The following TMEFF1 variants were observed in gnomAD, a reference collection of about 807,000 sequenced individuals.
TMEFF1 encodes the protein transmembrane protein with EGF like and two follistatin like domains 1, also known as tomoregulin-1.
In TMEFF1, 20 loss-of-function variants were observed where a neutral mutation model predicts 47.5. The ratio of observed to expected loss-of-function variants is 0.42; its 90% CI spans 0.30 to 0.61. The LOEUF (loss-of-function observed/expected upper bound fraction) is 0.61, where lower values mean the gene tolerates loss of function less well. TMEFF1 is among the 20% of genes least tolerant of loss of function. TMEFF1 has a pLI of 0.19. For missense variants in TMEFF1, 411 were observed against 471.1 expected (o/e 0.87, Z 1.18); for synonymous variants, 162 against 166.3 (o/e 0.97, Z 0.20).
intron 5 of TMEFF1, among the ~76,000 whole-genome samples, chr9:100,533,859 C>A (rs529178078): frequency 6.6e-6 from 1 of 152,268 alleles, no homozygotes; most frequent in Non-Finnish European, 1.5e-5. Context: ...GCTGGGATTA[C>A]AGGCGTGCAC....
chr9:100,527,781 G>T (rs565966695), intron 5 of TMEFF1, among the ~76,000 whole-genome samples: 27 of 152,320 alleles, frequency 1.8e-4, no homozygotes, highest in African/African-American at 5.8e-4. Context: ...CTCCACCTCT[G>T]GGGGCAGGGC....
intron 2 of TMEFF1, among the ~76,000 whole-genome samples, chr9:100,501,923 A>G (rs1026657268): frequency 1.3e-5 from 2 of 152,152 alleles, no homozygotes; most frequent in Non-Finnish European, 2.9e-5. Context: ...GATTACAGGC[A>G]TGAGCCACCG....
intron 1 of TMEFF1, among the ~76,000 whole-genome samples, chr9:100,478,243 T>A (rs1232912363): frequency 6.6e-6 from 1 of 152,230 alleles, no homozygotes; most frequent in Non-Finnish European, 1.5e-5. Flanking sequence ...TTGGCCCTGT[T>A]GTCTCTTGAT....
intron 5 of TMEFF1, among the ~76,000 whole-genome samples, chr9:100,526,088 C>T (rs1044196445): frequency 6.6e-6 from 1 of 152,170 alleles, no homozygotes; most frequent in African/African-American, 2.4e-5. Context: ...ATATTTTATT[C>T]AGAACTTTGC....
chr9:100,489,796 T>A (rs1837516363), intron 1 of TMEFF1, among the ~76,000 whole-genome samples: 1 of 152,184 alleles, frequency 6.6e-6, no homozygotes, highest in East Asian at 1.9e-4. Context: ...AGATTCAGTT[T>A]ATGGTTTGCC....
chr9:100,545,124 G>A (rs1838706389), intron 5 of TMEFF1, among the ~76,000 whole-genome samples: 1 of 152,182 alleles, frequency 6.6e-6, no homozygotes, highest in Non-Finnish European at 1.5e-5. Context: ...GTCTGGAGGT[G>A]GCCCTCTCCT....
In TMEFF1 at chr9:100,547,741, C is replaced by T. The variant is rs1838762622; in HGVS notation, c.561-3C>T. 2 of 1,507,056 alleles carry T rather than the reference C, an allele frequency of 1.3e-6. No homozygotes were observed. The highest frequency in any genetic ancestry group is 1.8e-6 in the Non-Finnish European group (2 of 1,127,772). 93.4% of individuals were successfully genotyped at this position (1,507,056 alleles called of 1,614,324 possible). ...TATAGGTAATTTTTGTCTTTTCCAA[C>T]AGGTGTGTATGTAATATAGATTGCA... On this transcript the variant is annotated splice_region_variant and splice_polypyrimidine_tract_variant and intron_variant, in intron 5 of 9. Transcript: ENST00000374879.
chr9:100,553,994 T>G (rs902483865), intron 7 of TMEFF1, among the ~76,000 whole-genome samples: 6 of 152,198 alleles, frequency 3.9e-5, no homozygotes, highest in African/African-American at 1.4e-4. Context: ...ACCATTTTGA[T>G]TCAAAGATAT....
chr9:100,568,653 AC>A (rs1839172269), intron 8 of TMEFF1, among the ~76,000 whole-genome samples: 1 of 149,940 alleles, frequency 6.7e-6, no homozygotes, highest in African/African-American at 2.5e-5. Context: ...TGCAACCATC[AC>A]CACAATCAAT....
chr9:100,488,756 G>A (rs1285839528), intron 1 of TMEFF1, among the ~76,000 whole-genome samples: 1 of 152,198 alleles, frequency 6.6e-6, no homozygotes, highest in Non-Finnish European at 1.5e-5. Flanking sequence ...GCTGTGATAA[G>A]TGGTAGAGCC....
intron 5 of TMEFF1, among the ~76,000 whole-genome samples, chr9:100,534,364 G>C (rs1838463701): frequency 6.6e-6 from 1 of 151,968 alleles, no homozygotes; most frequent in Non-Finnish European, 1.5e-5. Context: ...AGAATTGTCA[G>C]GGTTAGATGA....
chr9:100,522,053 C>G lies in TMEFF1; in HGVS notation c.560+5282C>G, dbSNP rs185605662. ...CAGTACTACAATATGACGAGTCTCTCCCTCAGAAGGTGCAGTGATATCTTT... is the reference window on the plus strand; with the variant it reads ...CAGTACTACAATATGACGAGTCTCTGCCTCAGAAGGTGCAGTGATATCTTT... On this transcript the variant is annotated intron_variant, in intron 5 of 9. Transcript: ENST00000374879. Among the ~76,000 whole-genome samples the G allele has an allele frequency of 2.0e-5, 3 of 152,284 alleles. No individual in the cohort carries two copies. The East Asian group carries it at 5.8e-4, about 29-fold the overall frequency.
In TMEFF1 at chr9:100,577,296, A is replaced by G. The variant is rs1350780528; in HGVS notation, c.*696A>G. Reference sequence around the variant, plus strand: ...ATTCTACCAGTTAAACTACTTTAATACACATTCATTTTTAAAGAAAATGTT... The same window carrying G: ...ATTCTACCAGTTAAACTACTTTAATGCACATTCATTTTTAAAGAAAATGTT... On this transcript the variant is annotated 3_prime_UTR_variant, in exon 10 of 10. Coordinates refer to ENST00000374879, the MANE Select transcript of TMEFF1 (RefSeq NM_003692.5). The G allele has an allele frequency of 6.6e-6, 1 of 152,666 alleles. No homozygotes were observed. The highest frequency in any genetic ancestry group is 1.5e-5 in the Non-Finnish European group (1 of 68,022). The allele number at this position is 152,666 out of a possible 1,614,324, so 9.5% of individuals were successfully genotyped here.
chr9:100,533,591 CCT>C (rs1325121248), intron 5 of TMEFF1, among the ~76,000 whole-genome samples: 25 of 152,042 alleles, frequency 1.6e-4, no homozygotes, highest in African/African-American at 6.0e-4. Context: ...GTTTTACTAA[CCT>C]CTGTTGTAAC....
intron 1 of TMEFF1, among the ~76,000 whole-genome samples, chr9:100,487,152 A>T (rs933420577): frequency 2.0e-5 from 3 of 151,622 alleles, no homozygotes; most frequent in Admixed American, 1.3e-4. Context: ...TTTTTAAAAA[A>T]TTTTTAATTT....
chr9:100,563,687 A>G (rs1171996313), intron 8 of TMEFF1, among the ~76,000 whole-genome samples: 2 of 152,186 alleles, frequency 1.3e-5, no homozygotes, highest in African/African-American at 2.4e-5. Context: ...ATGAATAGCA[A>G]TTGATATCAT....
intron 9 of TMEFF1, among the ~76,000 whole-genome samples, chr9:100,573,333 C>T (rs1034422160): frequency 9.9e-5 from 15 of 151,952 alleles, no homozygotes; most frequent in African/African-American, 2.9e-4. Flanking sequence ...AGGATTGCAG[C>T]GATAAGTAAT....
chr9:100,477,108 T>C (rs549585273), intron 1 of TMEFF1, among the ~76,000 whole-genome samples: 23 of 152,254 alleles, frequency 1.5e-4, no homozygotes, highest in Non-Finnish European at 2.9e-4. Flanking sequence ...TCGGTCAGGC[T>C]GTGCGTGTTG....
chr9:100,550,237 C>A (rs1433908408), intron 7 of TMEFF1, 77 bp downstream of exon 7: 29 of 1,450,910 alleles, frequency 2.0e-5, no homozygotes, highest in African/African-American at 4.3e-5. Context: ...GTTCTGTTTC[C>A]ATTATAACAA....
Sources: gnomAD v4.1 joint callset for allele counts (sites outside exome capture counted in the v4.1 genomes callset) on GRCh38, gnomAD v4.1.1 for gene constraint, MANE v1.5 for transcripts, NCBI Gene and HGNC (gene_info 2026-07-23, HGNC 2026-07-21) for gene names.